The following ASB4 variants were observed in gnomAD, a reference collection of about 807,000 sequenced individuals.
The protein encoded by ASB4 is ankyrin repeat and SOCS box containing 4.
A neutral mutation model predicts 38.6 loss-of-function variants in ASB4; 35 were observed. The observed-to-expected ratio is 0.91, with a 90% CI of 0.69 to 1.20. The LOEUF (loss-of-function observed/expected upper bound fraction) is 1.20. ASB4 is among the 50% of genes most tolerant of loss of function. The pLI, the probability that ASB4 is intolerant of heterozygous loss-of-function variation, is 0.00. For missense variants in ASB4, 557 were observed against 527.2 expected (o/e 1.06, Z -0.55); for synonymous variants, 195 against 201.3 (o/e 0.97, Z 0.26).
intron 2 of ASB4, among the ~76,000 whole-genome samples, chr7:95,515,233 T>TTTCTTTC (rs1562817072): frequency 2.3e-5 from 2 of 87,604 alleles, no homozygotes; most frequent in East Asian, 3.3e-4. Flanking sequence ...TTCTTTCTTT[T>TTTCTTTC]TCTTTCTTTC....
At chr7:95,531,549 T>C (rs1017418738) in intron 3 of ASB4, among the ~76,000 whole-genome samples, 1 of 152,214 alleles carries the variant, frequency 6.6e-6, no homozygotes, top group Non-Finnish European at 1.5e-5. Context: ...CACGGTGCCA[T>C]GGGCATGGTA....
the ASB4 span, among the ~76,000 whole-genome samples, chr7:95,550,404 T>A: frequency 6.6e-6 from 1 of 152,112 alleles, no homozygotes; most frequent in Non-Finnish European, 1.5e-5. Context: ...GAGAGTCTGA[T>A]CAGTGCCAAG....
intron 3 of ASB4, among the ~76,000 whole-genome samples, chr7:95,532,170 G>T (rs932717440): frequency 1.3e-5 from 2 of 152,200 alleles, no homozygotes; most frequent in African/African-American, 4.8e-5. Flanking sequence ...CGACAAGTAA[G>T]TGACTGACTC....
At chr7:95,523,401 A>T (rs759064528) in intron 2 of ASB4, among the ~76,000 whole-genome samples, 2 of 152,238 alleles carry the variant, frequency 1.3e-5, no homozygotes, top group African/African-American at 2.4e-5. Context: ...CCTAATAAAG[A>T]GACAATGAAC....
At chr7:95,487,892 T>C (rs1790114995) in intron 1 of ASB4, among the ~76,000 whole-genome samples, 1 of 152,336 alleles carries the variant, frequency 6.6e-6, no homozygotes, top group South Asian at 2.1e-4. Flanking sequence ...TTTGTGGTCT[T>C]ACTTTTAGGG....
the ASB4 span, among the ~76,000 whole-genome samples, chr7:95,471,378 G>C: frequency 6.6e-6 from 1 of 152,096 alleles, no homozygotes; most frequent in Non-Finnish European, 1.5e-5. Flanking sequence ...ATAATTAAAG[G>C]AAAAATGAGG....
At chr7:95,494,323 C>T (rs1790215762) in intron 1 of ASB4, among the ~76,000 whole-genome samples, 1 of 152,144 alleles carries the variant, frequency 6.6e-6, no homozygotes, top group Non-Finnish European at 1.5e-5. Context: ...GTGAAGAATA[C>T]AATGTTTACT....
chr7:95,534,421 G>T (rs1419328568), intron 3 of ASB4, among the ~76,000 whole-genome samples: 1 of 151,410 alleles, frequency 6.6e-6, no homozygotes, highest in Non-Finnish European at 1.5e-5. Context: ...CTGTCAATCA[G>T]TGGCAACTCT....
upstream of ASB4, among the ~76,000 whole-genome samples, chr7:95,481,519 G>T (rs547144403): frequency 6.6e-5 from 10 of 152,306 alleles, no homozygotes; most frequent in South Asian, 2.1e-3. Flanking sequence ...GGCCCAAGGG[G>T]TTCTGTTGCC....
chr7:95,540,449 G>T (rs1488765058), downstream of ASB4, among the ~76,000 whole-genome samples: 1 of 152,186 alleles, frequency 6.6e-6, no homozygotes, highest in African/African-American at 2.4e-5. Flanking sequence ...CTTGCTGTAA[G>T]AACAAGTGTG....
rs547623890 is a variant in ASB4 at position 95,517,901 on chromosome 7, A to G, written c.488-9912A>G. Among the ~76,000 whole-genome samples the G allele has an allele frequency of 1.5e-4, 23 of 152,332 alleles. No individual in the cohort carries two copies. In the Middle Eastern group the frequency reaches 0.01, roughly 68 times the overall value. On this transcript the variant is annotated intron_variant, in intron 2 of 4. Coordinates refer to ENST00000325885, the MANE Select transcript of ASB4 (RefSeq NM_016116.3). Reference sequence around the variant, plus strand: ...AGAAAAGAGTTGCAAAAGCTTAAGTATGCTTAGAAAATGAGGGCAAAGAGT... The same window carrying G: ...AGAAAAGAGTTGCAAAAGCTTAAGTGTGCTTAGAAAATGAGGGCAAAGAGT...
At chr7:95,533,884 T>G (rs1386215226) in intron 3 of ASB4, among the ~76,000 whole-genome samples, 1 of 152,218 alleles carries the variant, frequency 6.6e-6, no homozygotes, top group Non-Finnish European at 1.5e-5. Context: ...TCCTCTCTCG[T>G]GCCTATTAGG....
chr7:95,483,368 T>A, upstream of ASB4, among the ~76,000 whole-genome samples: 1 of 152,210 alleles, frequency 6.6e-6, no homozygotes, highest in East Asian at 1.9e-4. Flanking sequence ...TGTTCCTCCA[T>A]GTATCCCATA....
the ASB4 span, among the ~76,000 whole-genome samples, chr7:95,546,814 T>C: frequency 2.0e-5 from 3 of 152,222 alleles, no homozygotes; most frequent in South Asian, 6.2e-4. Context: ...TGGTTTTCTT[T>C]GGTCAGGAGA....
chr7:95,479,375 G>A (rs1023453521), intron 1 of ASB4, among the ~76,000 whole-genome samples: 1 of 152,218 alleles, frequency 6.6e-6, no homozygotes, highest in African/African-American at 2.4e-5. Context: ...GTTTATATAC[G>A]TTGTTTCATG....
At chr7:95,509,523 A>C (rs1314557673) in intron 2 of ASB4, among the ~76,000 whole-genome samples, 1 of 152,228 alleles carries the variant, frequency 6.6e-6, no homozygotes, top group Non-Finnish European at 1.5e-5. Context: ...ATTCATGTTA[A>C]GCAGAGGAAA....
chr7:95,526,537 C>G (rs1790739403), intron 2 of ASB4, among the ~76,000 whole-genome samples: 1 of 152,134 alleles, frequency 6.6e-6, no homozygotes, highest in South Asian at 2.1e-4. Flanking sequence ...GACACCGGCC[C>G]CAGCTAGTTG....
intron 3 of ASB4, among the ~76,000 whole-genome samples, chr7:95,530,964 GTGTGATTAAAT>G (rs1790812490): frequency 6.6e-6 from 1 of 152,138 alleles, no homozygotes; most frequent in Non-Finnish European, 1.5e-5. Flanking sequence ...TTACTTAAGA[GTGTGATTAAAT>G]AAACTGCTGA....
chr7:95,508,638 G>C (rs181695597), intron 2 of ASB4, among the ~76,000 whole-genome samples: 54 of 152,246 alleles, frequency 3.5e-4, no homozygotes, highest in African/African-American at 1.3e-3. Context: ...AGCTGCTTGG[G>C]TGCAGGCACT....
Sources: allele counts gnomAD v4.1 joint callset (sites outside exome capture counted in the v4.1 genomes callset), GRCh38; gene constraint gnomAD v4.1.1; transcripts MANE v1.5; gene names NCBI Gene and HGNC (gene_info 2026-07-23, HGNC 2026-07-21).